Variants in PLXNA4 observed in about 807,000 individuals in gnomAD.
The protein encoded by PLXNA4 is plexin-A4.
In PLXNA4, 44 loss-of-function variants were observed where a neutral mutation model predicts 191.8. The observed-to-expected ratio is 0.23, with a 90% CI of 0.18 to 0.29. The LOEUF (loss-of-function observed/expected upper bound fraction) is 0.29, where lower values mean the gene tolerates loss of function less well. Ranked by LOEUF, PLXNA4 falls within the 10% of genes least tolerant of loss-of-function variation. The pLI, the probability that PLXNA4 is intolerant of heterozygous loss-of-function variation, is 1.00. For synonymous variants in PLXNA4, 1,082 were observed against 1,009.5 expected (o/e 1.07, Z -1.36); for missense variants, 1,800 against 2,488.8 (o/e 0.72, Z 5.89).
At position 132,234,596 on chromosome 7, in the gene PLXNA4, T is replaced by TTGTGTGTGTGTGTGTGTGTGTG. The variant is rs60249306; in HGVS notation, c.1605-6149_1605-6128dup. 5.5e-5 allele frequency among the ~76,000 whole-genome samples: 8 copies of TTGTGTGTGTGTGTGTGTGTGTG among 144,256 alleles called. No homozygotes were observed. In the East Asian group the frequency reaches 1.5e-3, roughly 26 times the overall value. The allele number at this position is 144,256 out of a possible 152,430, so 94.6% of individuals were successfully genotyped here. A position where few individuals can be genotyped will look rare whatever the true frequency, so the allele number is the denominator to read the frequency against. ...ATTCTCTGGTCATGAAGCATGTGTT[T>TTGTGTGTGTGTGTGTGTGTGTG]TGTGTGTGTGTGTGTGTGTGTGTGT... is the stretch of plus-strand genomic sequence containing the variant. On this transcript the variant is annotated intron_variant, in intron 5 of 31. Coordinates refer to ENST00000321063, the MANE Select transcript of PLXNA4 (RefSeq NM_020911.2).
chr7:132,212,409 C>G lies in PLXNA4; in HGVS notation c.2098-1266G>C, dbSNP rs922504664. On this transcript the variant is annotated intron_variant, in intron 9 of 31. Transcript: ENST00000321063. ...AACATGAGCCAAATATCTCCCTGTG[C>G]CATTGCGAGTTACACCATAACAAGA... Among the ~76,000 whole-genome samples the G allele has an allele frequency of 3.9e-5, 6 of 152,290 alleles. No individual in the cohort carries two copies. In the East Asian group the frequency reaches 9.7e-4, roughly 25 times the overall value.
intron 22 of PLXNA4, among the ~76,000 whole-genome samples, chr7:132,166,481 CAGAG>C (rs1294238449): frequency 6.6e-6 from 1 of 151,500 alleles, no homozygotes; most frequent in Non-Finnish European, 1.5e-5. Context: ...CGGCCAGCTC[CAGAG>C]AGAAACTAGC....
chr7:132,355,365 C>A (rs574604445), intron 3 of PLXNA4, among the ~76,000 whole-genome samples: 1 of 152,298 alleles, frequency 6.6e-6, no homozygotes, highest in East Asian at 1.9e-4. Flanking sequence ...TTAAAATAAC[C>A]TGAGTCAGTC....
intron 1 of PLXNA4, among the ~76,000 whole-genome samples, chr7:132,525,597 T>TTTAAGTAA (rs1799368987): frequency 6.6e-6 from 1 of 152,176 alleles, no homozygotes; most frequent in Non-Finnish European, 1.5e-5. Context: ...TTTAAGTAAC[T>TTTAAGTAA]CTGGTTTACA....
chr7:132,610,731 A>G (rs1228636744), intron 2 of PLXNA4, among the ~76,000 whole-genome samples: 4 of 152,202 alleles, frequency 2.6e-5, no homozygotes, highest in African/African-American at 9.6e-5. Context: ...ATCTGAAGGA[A>G]TCCTTTCCAT....
At chr7:132,540,726 T>C (rs1280071502) in intron 1 of PLXNA4, among the ~76,000 whole-genome samples, 1 of 151,302 alleles carries the variant, frequency 6.6e-6, no homozygotes, top group Admixed American at 6.6e-5. Context: ...TAGCTGGGAC[T>C]ACAGGCGCCC....
At chr7:132,132,916 G>C (rs974023391) in intron 31 of PLXNA4, 133 bp downstream of exon 31, 3 of 1,310,378 alleles carry the variant, frequency 2.3e-6, no homozygotes, top group Admixed American at 2.7e-5. Context: ...CACAGCCCCA[G>C]GTCCTCAGTG....
At chr7:132,257,369 C>T (rs1237468733) in intron 4 of PLXNA4, among the ~76,000 whole-genome samples, 3 of 152,218 alleles carry the variant, frequency 2.0e-5, no homozygotes, top group African/African-American at 7.2e-5. Flanking sequence ...TTCTACATGA[C>T]ACACATCTCC....
At chr7:132,185,800 G>A (rs964174654) in intron 15 of PLXNA4, among the ~76,000 whole-genome samples, 4 of 152,170 alleles carry the variant, frequency 2.6e-5, no homozygotes, top group Non-Finnish European at 4.4e-5. Flanking sequence ...CAAGAATCAC[G>A]TTAAGTTGGT....
At chr7:132,173,564 G>A (rs920952769) in intron 21 of PLXNA4, among the ~76,000 whole-genome samples, 2 of 152,140 alleles carry the variant, frequency 1.3e-5, no homozygotes, top group African/African-American at 4.8e-5. Flanking sequence ...ACAAGCCTAT[G>A]CTTCATGCAA....
chr7:132,271,868 G>A (rs74881597), intron 4 of PLXNA4, among the ~76,000 whole-genome samples: 1,921 of 152,276 alleles, frequency 0.013, 34 homozygotes, highest in African/African-American at 0.043. Flanking sequence ...CTCAAATTAC[G>A]TGGTGGTAAA....
At chr7:132,154,865 C>T (rs1360589511) in intron 25 of PLXNA4, among the ~76,000 whole-genome samples, 1 of 152,194 alleles carries the variant, frequency 6.6e-6, no homozygotes, top group African/African-American at 2.4e-5. Flanking sequence ...AAAGGACAGA[C>T]ACACTCACAA....
chr7:132,336,710 G>GAACA (rs1802833010), intron 3 of PLXNA4, among the ~76,000 whole-genome samples: 1 of 152,240 alleles, frequency 6.6e-6, no homozygotes, highest in Non-Finnish European at 1.5e-5. Flanking sequence ...GCTGGGATTT[G>GAACA]AACACAGAAC....
Position 132,178,289 on chromosome 7 carries a change from C to A in PLXNA4, c.3874+1398G>T, listed in dbSNP as rs1294118552. Among the ~76,000 whole-genome samples the A allele has an allele frequency of 2.6e-5, 4 of 152,258 alleles. No individual in the cohort carries two copies. The East Asian group carries it at 7.7e-4, about 29-fold the overall frequency. On this transcript the variant is annotated intron_variant, in intron 20 of 31. Coordinates refer to ENST00000321063, the MANE Select transcript of PLXNA4 (RefSeq NM_020911.2). ...TCAACCAGGATTCCAGGTATGGAGG[C>A]TGCTCTAGTGGGGTGAAGGTGCTCT... is the stretch of plus-strand genomic sequence containing the variant.
chr7:132,202,709 C>G lies in PLXNA4; in HGVS notation c.2523G>C (p.Gln841His). 1.3e-6 allele frequency: 2 copies of G among 1,598,902 alleles called. No individual in the cohort carries two copies. The highest frequency in any genetic ancestry group is 1.7e-6 in the Non-Finnish European group (2 of 1,172,188). Residue 841 changes from glutamine (Q) to histidine (H), a missense_variant, in exon 12 of 32, where the codon CAG becomes CAC. This residue lies in a region of PLXNA4 where 1,397 missense variants were observed against 1,880.4 expected (regional missense o/e 0.74). Coordinates refer to ENST00000321063, the MANE Select transcript of PLXNA4 (RefSeq NM_020911.2). ...CAGACAGCTCCAGCCACTGGCTCTC[C>G]TGGGCAGGGCAGTGCTGGCGCAGGG... is the stretch of plus-strand genomic sequence containing the variant. ...QCTLRQHCPA[Q>H]ESQWLELSGA...
chr7:132,364,223 A>G (rs1804064273), intron 3 of PLXNA4, among the ~76,000 whole-genome samples: 1 of 152,250 alleles, frequency 6.6e-6, no homozygotes, highest in Non-Finnish European at 1.5e-5. Flanking sequence ...GAAGCCATTC[A>G]CATTTTGGTT....
At chr7:132,412,809 C>T (rs1253955035) in intron 3 of PLXNA4, among the ~76,000 whole-genome samples, 1 of 152,066 alleles carries the variant, frequency 6.6e-6, no homozygotes, top group Non-Finnish European at 1.5e-5. Flanking sequence ...GCTGTGGATC[C>T]CAGAGTGAAC....
intron 24 of PLXNA4, 45 bp from the exon 25 acceptor site, chr7:132,159,677 G>A: frequency 6.2e-7 from 1 of 1,607,506 alleles, no homozygotes; most frequent in Non-Finnish European, 8.5e-7. Context: ...TGGGGTAGCA[G>A]GAAAAGCTCC....
intron 3 of PLXNA4, among the ~76,000 whole-genome samples, chr7:132,313,822 C>T (rs894263330): frequency 6.6e-6 from 1 of 152,104 alleles, no homozygotes; most frequent in Non-Finnish European, 1.5e-5. Flanking sequence ...ATTTAGACGA[C>T]CACCATGGCA....
Sources: gnomAD v4.1 joint callset for allele counts (sites outside exome capture counted in the v4.1 genomes callset) on GRCh38, gnomAD v4.1.1 for gene constraint, gnomAD v4.1.1 regional missense constraint, MANE v1.5 for transcripts, NCBI Gene and HGNC (gene_info 2026-07-23, HGNC 2026-07-21) for gene names.